UTRN: variants seen among roughly 807,000 people sequenced by gnomAD.
UTRN encodes the protein utrophin.
In UTRN, 283 loss-of-function variants were observed where a neutral mutation model predicts 463.9. That is an observed-to-expected ratio of 0.61 (90% CI 0.55 to 0.67). The LOEUF is 0.67. Among genes scored for constraint, UTRN ranks in the 30% least tolerant of loss-of-function variants. The pLI, the probability that UTRN is intolerant of heterozygous loss-of-function variation, is 0.00. For synonymous variants in UTRN, 1,442 were observed against 1,431.5 expected (o/e 1.01, Z -0.17); for missense variants, 3,922 against 4,084.3 (o/e 0.96, Z 1.08).
chr6:144,794,097 C>A, intron 63 of UTRN, 106 bp downstream of exon 63: 1 of 1,432,596 alleles, frequency 7.0e-7, no homozygotes, highest in Non-Finnish European at 9.4e-7. Flanking sequence ...TACTGGAAGA[C>A]TTTGGGTACC....
At chr6:144,753,989 T>C (rs147545543) in intron 56 of UTRN, among the ~76,000 whole-genome samples, 8 of 152,234 alleles carry the variant, frequency 5.3e-5, no homozygotes, top group East Asian at 1.9e-4. Context: ...AGATACAAAT[T>C]TGGAGGAAAA....
intron 2 of UTRN, among the ~76,000 whole-genome samples, chr6:144,295,721 G>C (rs1804619310): frequency 6.6e-6 from 1 of 152,194 alleles, no homozygotes; most frequent in African/African-American, 2.4e-5. Flanking sequence ...TGCTGCTGCT[G>C]ATGATGACGA....
intron 51 of UTRN, among the ~76,000 whole-genome samples, chr6:144,656,344 T>C (rs1779303951): frequency 6.6e-6 from 1 of 152,188 alleles, no homozygotes; most frequent in African/African-American, 2.4e-5. Flanking sequence ...AGGTGGTTGA[T>C]AAAAAAGGAC....
intron 51 of UTRN, among the ~76,000 whole-genome samples, chr6:144,670,617 T>C (rs533117635): frequency 6.6e-6 from 1 of 152,160 alleles, no homozygotes; most frequent in Non-Finnish European, 1.5e-5. Context: ...TTTCTTTTGC[T>C]GTGTAGAAGC....
At chr6:144,688,190 A>G (rs905144584) in intron 52 of UTRN, among the ~76,000 whole-genome samples, 5 of 152,124 alleles carry the variant, frequency 3.3e-5, no homozygotes, top group African/African-American at 1.2e-4. Flanking sequence ...TGCGTTTTGT[A>G]ATTCCTTAAA....
chr6:144,848,621 A>G (rs1247042730), intron 74 of UTRN, among the ~76,000 whole-genome samples: 1 of 152,072 alleles, frequency 6.6e-6, no homozygotes, highest in Non-Finnish European at 1.5e-5. Flanking sequence ...GTTGAATGAT[A>G]CTGAAATTAG....
chr6:144,388,508 A>G (rs1172892383), intron 2 of UTRN, among the ~76,000 whole-genome samples: 1 of 150,772 alleles, frequency 6.6e-6, no homozygotes, highest in Non-Finnish European at 1.5e-5. Context: ...TTATTTATTT[A>G]TTTATTTATT....
chr6:144,479,815 G>C lies in UTRN; in HGVS notation c.3340G>C (p.Ala1114Pro). Residue 1114 changes from alanine to proline, a missense_variant, in exon 26 of 75, where the codon GCT (alanine) becomes CCT (proline). Physicochemically the swap from Ala to Pro is conservative, Grantham distance 27. This residue lies in a region of UTRN where 2,349 missense variants were observed against 2,303.8 expected (regional missense o/e 1.02). Transcript: ENST00000367545. ...TQLEKLSKEIATQKSRLSESQ... is the reference protein window; with the variant it reads ...TQLEKLSKEIPTQKSRLSESQ... Reference sequence around the variant, plus strand: ...GGGAATGGCTTTTCCTTTGTAGATCGCTACTCAAAAAAGTAGGTTGTCTGA... The same window carrying C: ...GGGAATGGCTTTTCCTTTGTAGATCCCTACTCAAAAAAGTAGGTTGTCTGA... 1 of 1,611,860 alleles carries C rather than the reference G, an allele frequency of 6.2e-7. No homozygotes were observed. Among genetic ancestry groups the C allele is most frequent in the Non-Finnish European group, 8.5e-7 (1 of 1,179,030 alleles).
At chr6:144,732,241 T>C (rs6910394) in intron 54 of UTRN, among the ~76,000 whole-genome samples, 3,399 of 23,646 alleles carry the variant, frequency 0.14, 80 homozygotes, top group Non-Finnish European at 0.18. Flanking sequence ...TATATATACA[T>C]ATATATATAT....
intron 54 of UTRN, among the ~76,000 whole-genome samples, chr6:144,745,193 T>C (rs1790578969): frequency 6.6e-6 from 1 of 152,174 alleles, no homozygotes; most frequent in African/African-American, 2.4e-5. Context: ...CACAAATACC[T>C]ATTCAGAAAA....
rs755893130 is a variant in UTRN, at chr6:144,462,859, C to A, written c.3059C>A (p.Ala1020Asp). The part of the protein sequence containing the change: ...LLEEIALTLR[A>D]FEADSTVIEK... The stretch of plus-strand genomic sequence containing the variant: ...GAGGAAATTGCTCTCACACTCAGAG[C>A]TTTTGAGGTAAATCCAGAGGCCACT... The change falls in exon 23 of 75, where the codon GCT becomes GAT. Residue 1020 changes from alanine to aspartate, a missense_variant. This residue lies in a region of UTRN where 2,349 missense variants were observed against 2,303.8 expected (regional missense o/e 1.02). Transcript: ENST00000367545. The A allele has an allele frequency of 6.2e-7, 1 of 1,601,866 alleles. No homozygotes were observed. The highest frequency in any genetic ancestry group is 8.5e-7 in the Non-Finnish European group (1 of 1,177,548).
At chr6:144,325,441 A>T (rs1410904952) in intron 2 of UTRN, among the ~76,000 whole-genome samples, 1 of 152,162 alleles carries the variant, frequency 6.6e-6, no homozygotes, top group Non-Finnish European at 1.5e-5. Flanking sequence ...AGCCCTCAGT[A>T]GATGCCAGTG....
chr6:144,824,990 C>T (rs1780051977), intron 66 of UTRN, among the ~76,000 whole-genome samples: 1 of 151,964 alleles, frequency 6.6e-6, no homozygotes, highest in South Asian at 2.1e-4. Flanking sequence ...CATTATGTTA[C>T]CAAGGCTGGC....
intron 47 of UTRN, among the ~76,000 whole-genome samples, chr6:144,549,352 A>ATT (rs1798700387): frequency 6.6e-6 from 1 of 152,228 alleles, no homozygotes; most frequent in African/African-American, 2.4e-5. Context: ...GTACAAGGAT[A>ATT]CTGACAAGAA....
chr6:144,511,475 C>T (rs1435931216), intron 35 of UTRN, among the ~76,000 whole-genome samples: 1 of 152,156 alleles, frequency 6.6e-6, no homozygotes, highest in Non-Finnish European at 1.5e-5. Context: ...TAATGGCATA[C>T]TGGTTAAGAG....
intron 39 of UTRN, among the ~76,000 whole-genome samples, chr6:144,519,426 A>G (rs1325539162): frequency 1.3e-5 from 2 of 152,204 alleles, no homozygotes; most frequent in Non-Finnish European, 2.9e-5. Flanking sequence ...TAAAACACTC[A>G]CTTAAAAATC....
At position 144,671,576 on chromosome 6, in the gene UTRN, T is replaced by C. The variant is rs573639149; in HGVS notation, c.7480-6830T>C. The stretch of plus-strand genomic sequence containing the variant: ...GTTTTTTAGGTATACAATCATGTCA[T>C]CAGCTAACAGTTTGACTTCCTTTTT... On this transcript the variant is annotated intron_variant, in intron 51 of 74. Coordinates refer to ENST00000367545, the MANE Select transcript of UTRN (RefSeq NM_007124.3). Among the ~76,000 whole-genome samples, 4 of 152,220 alleles carry C rather than the reference T, an allele frequency of 2.6e-5. No homozygotes were observed. In the South Asian group the frequency reaches 8.3e-4, roughly 32 times the overall value.
chr6:144,337,479 C>T (rs1776824254), intron 2 of UTRN, among the ~76,000 whole-genome samples: 1 of 152,132 alleles, frequency 6.6e-6, no homozygotes, highest in Non-Finnish European at 1.5e-5. Context: ...ATTCATCATT[C>T]CAAGTAGGTG....
intron 17 of UTRN, 28 bp from the exon 18 acceptor site, chr6:144,451,342 A>G: frequency 1.9e-6 from 3 of 1,596,958 alleles, no homozygotes; most frequent in Non-Finnish European, 2.6e-6. Flanking sequence ...GAAACATGAC[A>G]AATGGTCACC....
Sources: gnomAD v4.1 joint callset for allele counts (sites outside exome capture counted in the v4.1 genomes callset) on GRCh38, gnomAD v4.1.1 for gene constraint, gnomAD v4.1.1 regional missense constraint, MANE v1.5 for transcripts, NCBI Gene and HGNC (gene_info 2026-07-23, HGNC 2026-07-21) for gene names.